The following LRBA variants were observed in gnomAD, a reference collection of about 807,000 sequenced individuals.
The protein encoded by LRBA is lipopolysaccharide-responsive and beige-like anchor protein.
In LRBA, 176 loss-of-function variants were observed where a neutral mutation model predicts 330.0. That is an observed-to-expected ratio of 0.53 (90% CI 0.47 to 0.60). The LOEUF is 0.60. Ranked by LOEUF, LRBA falls within the 20% of genes least tolerant of loss-of-function variation. The probability of loss-of-function intolerance (pLI) is 0.00; values close to 1 mark genes in which losing one functional copy is unlikely to be tolerated. For missense variants in LRBA, 3,259 were observed against 3,444.8 expected (o/e 0.95, Z 1.35); for synonymous variants, 1,230 against 1,193.0 (o/e 1.03, Z -0.64).
At chr4:150,964,143 C>T (rs866557959) in intron 2 of LRBA, among the ~76,000 whole-genome samples, 10 of 148,906 alleles carry the variant, frequency 6.7e-5, no homozygotes, top group African/African-American at 7.8e-5. Flanking sequence ...AGCCCCCGCC[C>T]GGCCAGCTGC....
intron 37 of LRBA, among the ~76,000 whole-genome samples, chr4:150,656,626 C>G (rs560648176): frequency 1.3e-5 from 2 of 152,284 alleles, no homozygotes; most frequent in African/African-American, 4.8e-5. Context: ...AAGACATTTA[C>G]TATGATAAAA....
intron 35 of LRBA, among the ~76,000 whole-genome samples, chr4:150,744,441 GT>G (rs1391363132): frequency 1.3e-5 from 2 of 152,008 alleles, no homozygotes; most frequent in Non-Finnish European, 2.9e-5. Context: ...TATTTCCTTT[GT>G]AATATTCTCA....
chr4:150,429,184 G>A (rs1245534905), intron 46 of LRBA, among the ~76,000 whole-genome samples: 1 of 151,866 alleles, frequency 6.6e-6, no homozygotes, highest in African/African-American at 2.4e-5. Context: ...AGGTGATGGG[G>A]GCAATTTTAA....
intron 28 of LRBA, among the ~76,000 whole-genome samples, chr4:150,837,026 T>G (rs532526430): frequency 6.6e-6 from 1 of 152,322 alleles, no homozygotes; most frequent in African/African-American, 2.4e-5. Context: ...AAGAACATCT[T>G]TATTTCTGCC....
intron 34 of LRBA, among the ~76,000 whole-genome samples, chr4:150,784,325 G>C (rs1738708338): frequency 6.6e-6 from 1 of 152,178 alleles, no homozygotes; most frequent in Non-Finnish European, 1.5e-5. Flanking sequence ...TCTTGTAAAA[G>C]TCCTGGCTCT....
intron 2 of LRBA, 131 bp downstream of exon 2, chr4:151,014,296 G>C: frequency 1.6e-6 from 1 of 643,088 alleles, no homozygotes; most frequent in Non-Finnish European, 2.7e-6. Flanking sequence ...ATTTAGGTGA[G>C]TAGAATTTTG....
intron 34 of LRBA, among the ~76,000 whole-genome samples, chr4:150,770,842 AT>A (rs747726681): frequency 1.5e-4 from 23 of 152,142 alleles, no homozygotes; most frequent in Non-Finnish European, 2.6e-4. Context: ...CCTGGATTGT[AT>A]TACCAGTGCT....
intron 40 of LRBA, among the ~76,000 whole-genome samples, chr4:150,550,169 A>G (rs1766403411): frequency 6.6e-6 from 1 of 152,220 alleles, no homozygotes; most frequent in Non-Finnish European, 1.5e-5. Context: ...TTAAAATTTT[A>G]TGTAAAGTAA....
intron 30 of LRBA, among the ~76,000 whole-genome samples, chr4:150,824,538 T>C (rs569568618): frequency 2.8e-4 from 42 of 152,344 alleles, no homozygotes; most frequent in Middle Eastern, 3.4e-3. Context: ...CATATGATAC[T>C]AGCTGTGGAT....
intron 31 of LRBA, among the ~76,000 whole-genome samples, chr4:150,809,879 CG>C (rs1743400538): frequency 3.6e-5 from 5 of 140,096 alleles, no homozygotes; most frequent in South Asian, 4.7e-4. Context: ...CGATACGATA[CG>C]ATACGATACG....
intron 37 of LRBA, among the ~76,000 whole-genome samples, chr4:150,637,035 G>C (rs574918909): frequency 3.4e-4 from 52 of 151,992 alleles, no homozygotes; most frequent in African/African-American, 1.2e-3. Flanking sequence ...TGTGATTAAA[G>C]GTAATTTTTT....
chr4:150,484,066 T>C (rs1426781676), intron 42 of LRBA, among the ~76,000 whole-genome samples: 1 of 151,986 alleles, frequency 6.6e-6, no homozygotes, highest in Non-Finnish European at 1.5e-5. Flanking sequence ...ACTTTCCACA[T>C]AAACATTCAA....
intron 37 of LRBA, among the ~76,000 whole-genome samples, chr4:150,671,570 A>G (rs1441174962): frequency 6.6e-6 from 1 of 152,234 alleles, no homozygotes; most frequent in African/African-American, 2.4e-5. Context: ...ATTCATTACA[A>G]ATCAGTCACT....
intron 37 of LRBA, among the ~76,000 whole-genome samples, chr4:150,615,913 C>T (rs1775733333): frequency 6.6e-6 from 1 of 152,130 alleles, no homozygotes; most frequent in Non-Finnish European, 1.5e-5. Context: ...CCACCTTCCA[C>T]TGTTTTGATG....
chr4:150,700,132 C>T (rs983142303), intron 36 of LRBA, among the ~76,000 whole-genome samples: 6 of 152,048 alleles, frequency 3.9e-5, no homozygotes, highest in East Asian at 1.9e-4. Context: ...ATTCTGGATA[C>T]GGGATACTCA....
chr4:150,956,680 T>C (rs1348450440), intron 2 of LRBA, among the ~76,000 whole-genome samples: 1 of 149,268 alleles, frequency 6.7e-6, no homozygotes. Context: ...TTATACACTA[T>C]GACTAAATGA....
At chr4:150,468,207 G>A (rs1462631103) in intron 43 of LRBA, among the ~76,000 whole-genome samples, 1 of 151,834 alleles carries the variant, frequency 6.6e-6, no homozygotes, top group African/African-American at 2.4e-5. Context: ...TCCTTTCTCT[G>A]CCATTAATAA....
At chr4:150,446,131 T>C (rs1241525961) in intron 44 of LRBA, among the ~76,000 whole-genome samples, 1 of 151,828 alleles carries the variant, frequency 6.6e-6, no homozygotes, top group African/African-American at 2.4e-5. Flanking sequence ...CTCATAAAGA[T>C]TAAGAGTTAG....
At chr4:151,004,952 T>G (rs1260868311) in intron 2 of LRBA, among the ~76,000 whole-genome samples, 1 of 151,668 alleles carries the variant, frequency 6.6e-6, no homozygotes, top group Admixed American at 6.6e-5. Flanking sequence ...GAGCATGCCA[T>G]TGCACTCCAG....
Sources: gnomAD v4.1 joint callset for allele counts (sites outside exome capture counted in the v4.1 genomes callset) on GRCh38, gnomAD v4.1.1 for gene constraint, MANE v1.5 for transcripts, NCBI Gene and HGNC (gene_info 2026-07-23, HGNC 2026-07-21) for gene names.